ALKBH3: variants seen among roughly 807,000 people sequenced by gnomAD.
The protein encoded by ALKBH3 is alkB homolog 3, alpha-ketoglutarate dependent dioxygenase.
A neutral mutation model predicts 43.9 loss-of-function variants in ALKBH3; 51 were observed. The ratio of observed to expected loss-of-function variants is 1.16; its 90% CI spans 0.93 to 1.47. The LOEUF (loss-of-function observed/expected upper bound fraction) is 1.47. ALKBH3 is among the 40% of genes most tolerant of loss of function. The pLI, the probability that ALKBH3 is intolerant of heterozygous loss-of-function variation, is 0.00. For missense variants in ALKBH3, 361 were observed against 351.9 expected (o/e 1.03, Z -0.21); for synonymous variants, 102 against 115.2 (o/e 0.89, Z 0.73).
intron 6 of ALKBH3, 61 bp from the exon 7 acceptor site, chr11:43,891,980 C>T: frequency 7.4e-7 from 1 of 1,346,834 alleles, no homozygotes; most frequent in Non-Finnish European, 1.1e-6. Flanking sequence ...AAAGTTGGCA[C>T]TCAGTAGTAA....
intron 8 of ALKBH3, among the ~76,000 whole-genome samples, chr11:43,914,409 A>C (rs974123662): frequency 1.3e-5 from 2 of 152,220 alleles, no homozygotes; most frequent in Non-Finnish European, 1.5e-5. Flanking sequence ...AGCACATGCC[A>C]TCGTAGATCT....
At chr11:43,900,215 ATTTTTTTTT>A (rs34274072) in intron 7 of ALKBH3, among the ~76,000 whole-genome samples, 36 of 87,170 alleles carry the variant, frequency 4.1e-4, no homozygotes, top group Non-Finnish European at 1.7e-4. Context: ...TTTTAATTTA[ATTTTTTTTT>A]TTTTTTTTTT....
At chr11:43,915,229 AAAG>A in intron 8 of ALKBH3, among the ~76,000 whole-genome samples, 1 of 151,942 alleles carries the variant, frequency 6.6e-6, no homozygotes, top group African/African-American at 2.4e-5. Context: ...AAAAAAAAAA[AAAG>A]AACTTGGCTT....
At position 43,901,722 on chromosome 11, in the gene ALKBH3, A is replaced by G; in HGVS notation, c.666A>G (p.Pro222=). ...CATTTGAGATGAGAAAGAAGCCACC[A>G]CCAGTGAGTATTCTCTTTTTCTTAT... ...TRTFEMRKKP[P]PEENGDYTYV... Residue 222 remains proline, a synonymous_variant, in exon 8 of 10, where the codon CCA becomes CCG. Transcript: ENST00000302708. 6.2e-7 allele frequency: 1 copy of G among 1,614,088 alleles called. No homozygotes were observed. Among genetic ancestry groups the G allele is most frequent in the Non-Finnish European group, 8.5e-7 (1 of 1,179,938 alleles).
intron 8 of ALKBH3, among the ~76,000 whole-genome samples, chr11:43,911,101 TTTAGAAGATC>T (rs926556959): frequency 1.3e-5 from 2 of 152,162 alleles, no homozygotes; most frequent in African/African-American, 4.8e-5. Flanking sequence ...GAATTTTTAT[TTTAGAAGATC>T]ACTGTGGCTG....
chr11:43,920,073 TC>T lies in ALKBH3; in HGVS notation c.*64del. The T allele has an allele frequency of 2.1e-6, 3 of 1,456,808 alleles. No individual in the cohort carries two copies. The highest frequency in any genetic ancestry group is 2.9e-6 in the Non-Finnish European group (3 of 1,040,436). The allele number at this position is 1,456,808 out of a possible 1,614,324, so 90.2% of individuals were successfully genotyped here. A position where few individuals can be genotyped will look rare whatever the true frequency, so the allele number is the denominator to read the frequency against. On this transcript the variant is annotated 3_prime_UTR_variant, in exon 10 of 10. Transcript: ENST00000302708. Reference sequence around the variant, plus strand: ...GCAAACCTTCCACTGAGAAGCCACTTCAAGAGGCTGGTGCTGCTAGATCTCA... The same window carrying T: ...GCAAACCTTCCACTGAGAAGCCACTTAAGAGGCTGGTGCTGCTAGATCTCA...
At chr11:43,900,794 TG>T (rs374142109) in intron 7 of ALKBH3, among the ~76,000 whole-genome samples, 55 of 152,322 alleles carry the variant, frequency 3.6e-4, no homozygotes, top group African/African-American at 1.2e-3. Flanking sequence ...CATAGCTTCC[TG>T]TAATATACAT....
Position 43,889,188 on chromosome 11 carries a change from C to G in ALKBH3, c.267-537C>G, listed in dbSNP as rs34693642. On this transcript the variant is annotated intron_variant, in intron 5 of 9. Coordinates refer to ENST00000302708, the MANE Select transcript of ALKBH3 (RefSeq NM_139178.4). ...AACTACAGGCATGCGCCACCACGCC[C>G]AGCTGATTTTGTATTTTTGGTAGAC... Among the ~76,000 whole-genome samples the G allele has an allele frequency of 8.9e-3, 1,352 of 152,264 alleles. 10 individuals carry two copies. Among genetic ancestry groups the G allele is most frequent in the Non-Finnish European group, 0.014 (934 of 68,020 alleles).
chr11:43,911,721 A>T (rs1590380187), intron 8 of ALKBH3, among the ~76,000 whole-genome samples: 1 of 152,366 alleles, frequency 6.6e-6, no homozygotes, highest in East Asian at 1.9e-4. Context: ...TTACTTGCCC[A>T]AGATGGCTTA....
At chr11:43,896,752 A>C (rs1951821845) in intron 7 of ALKBH3, among the ~76,000 whole-genome samples, 1 of 152,122 alleles carries the variant, frequency 6.6e-6, no homozygotes, top group South Asian at 2.1e-4. Context: ...ATCAGTGGTA[A>C]TATTGTTGGA....
intron 4 of ALKBH3, among the ~76,000 whole-genome samples, chr11:43,885,428 G>T (rs1440196196): frequency 6.6e-6 from 1 of 152,166 alleles, no homozygotes; most frequent in African/African-American, 2.4e-5. Flanking sequence ...CCTACATTTT[G>T]GCTGAAAGGC....
In ALKBH3 at chr11:43,905,540, T is replaced by C. The variant is rs990010513; in HGVS notation, c.669+3815T>C. ...ACCCTTTCCTTTAATGATATTACTG[T>C]CATTCCTCAGGGGCATAGTAGACTT... On this transcript the variant is annotated intron_variant, in intron 8 of 9. Transcript: ENST00000302708. Among the ~76,000 whole-genome samples the C allele has an allele frequency of 5.9e-5, 9 of 152,320 alleles. No homozygotes were observed. In the South Asian group the frequency reaches 1.9e-3, roughly 32 times the overall value.
At chr11:43,883,827 A>G (rs959221639) in intron 3 of ALKBH3, among the ~76,000 whole-genome samples, 156 bp from the exon 4 acceptor site, 4 of 152,200 alleles carry the variant, frequency 2.6e-5, no homozygotes, top group Admixed American at 2.0e-4. Flanking sequence ...TTTTAAGAAG[A>G]GTGGAGACAA....
chr11:43,911,794 G>A (rs1951940873), intron 8 of ALKBH3, among the ~76,000 whole-genome samples: 1 of 152,160 alleles, frequency 6.6e-6, no homozygotes, highest in Non-Finnish European at 1.5e-5. Context: ...ATGTAAAACT[G>A]TGGAATTGTA....
Position 43,915,567 on chromosome 11 carries a change from A to G in ALKBH3, c.670-3471A>G, listed in dbSNP as rs141121080. Reference sequence around the variant, plus strand: ...AAAAAATACTGGTGTATGAAAATCAATCTCCAACCATGTGCTCCTTACTGC... The same window carrying G: ...AAAAAATACTGGTGTATGAAAATCAGTCTCCAACCATGTGCTCCTTACTGC... On this transcript the variant is annotated intron_variant, in intron 8 of 9. Transcript: ENST00000302708. Among the ~76,000 whole-genome samples the G allele has an allele frequency of 1.1e-4, 16 of 152,286 alleles. No individual in the cohort carries two copies. The East Asian group carries it at 1.5e-3, about 15-fold the overall frequency.
chr11:43,919,825 A>G, intron 9 of ALKBH3, 93 bp from the exon 10 acceptor site: 1 of 1,174,390 alleles, frequency 8.5e-7, no homozygotes, highest in South Asian at 1.3e-5. Context: ...AGATGGAAAT[A>G]TTTCTGCATT....
chr11:43,913,949 G>A (rs901907104), intron 8 of ALKBH3, among the ~76,000 whole-genome samples: 15 of 152,142 alleles, frequency 9.9e-5, no homozygotes, highest in African/African-American at 3.6e-4. Flanking sequence ...CCAGAAGAGG[G>A]GGCAGCACTG....
intron 7 of ALKBH3, among the ~76,000 whole-genome samples, chr11:43,892,365 T>C (rs1032344857): frequency 1.3e-5 from 2 of 152,192 alleles, no homozygotes; most frequent in Admixed American, 1.3e-4. Flanking sequence ...AAATGAACTA[T>C]TTCTTCTCCT....
At chr11:43,902,674 G>A (rs1204045317) in intron 8 of ALKBH3, among the ~76,000 whole-genome samples, 1 of 152,186 alleles carries the variant, frequency 6.6e-6, no homozygotes, top group African/African-American at 2.4e-5. Context: ...TCGGCTCACT[G>A]CAACCTCTGC....
Sources: allele counts gnomAD v4.1 joint callset (sites outside exome capture counted in the v4.1 genomes callset), GRCh38; gene constraint gnomAD v4.1.1; transcripts MANE v1.5; gene names NCBI Gene and HGNC (gene_info 2026-07-23, HGNC 2026-07-21).